The following NRCAM variants were observed in gnomAD, a reference collection of about 807,000 sequenced individuals.
NRCAM encodes neuronal cell adhesion molecule.
Under a neutral mutation model 156.5 loss-of-function variants are expected in NRCAM, and 83 were observed. That is an observed-to-expected ratio of 0.53 (90% CI 0.44 to 0.64). The LOEUF (loss-of-function observed/expected upper bound fraction) is 0.64, where lower values mean the gene tolerates loss of function less well. Among genes scored for constraint, NRCAM ranks in the 30% least tolerant of loss-of-function variants. The pLI is 0.00. For synonymous variants in NRCAM, 538 were observed against 563.9 expected, an observed-to-expected ratio of 0.95 and a Z score of 0.65; for missense variants, 1,417 against 1,597.3, an observed-to-expected ratio of 0.89 and a Z score of 1.92.
chr7:108,258,729 C>T (rs1160955874), intron 3 of NRCAM, among the ~76,000 whole-genome samples: 1 of 152,150 alleles, frequency 6.6e-6, no homozygotes, highest in East Asian at 1.9e-4. Context: ...ATGAGCATAG[C>T]GATGTGGCAG....
intron 13 of NRCAM, among the ~76,000 whole-genome samples, chr7:108,201,402 T>C (rs1011079150): frequency 6.6e-6 from 1 of 152,106 alleles, no homozygotes; most frequent in Non-Finnish European, 1.5e-5. Context: ...GCAGACTACA[T>C]AAGAGTTCCT....
At chr7:108,157,507 G>C (rs186136050) in intron 32 of NRCAM, among the ~76,000 whole-genome samples, 38 of 152,244 alleles carry the variant, frequency 2.5e-4, no homozygotes, top group Non-Finnish European at 2.9e-4. Context: ...CAATGGCTGA[G>C]TTGAAAGTAA....
Position 108,367,992 on chromosome 7 carries a change from A to G in NRCAM, c.-174+31444T>C, listed in dbSNP as rs2099602319. Among the ~76,000 whole-genome samples the G allele has an allele frequency of 2.0e-5, 3 of 152,172 alleles. No homozygotes were observed. In the South Asian group the frequency reaches 6.2e-4, roughly 31 times the overall value. Reference sequence around the variant, plus strand: ...TTAGGGAAGTAGTTCGAATCGTCTCATTCCTCAATATCACCATTATGCCTT... The same window carrying G: ...TTAGGGAAGTAGTTCGAATCGTCTCGTTCCTCAATATCACCATTATGCCTT... On this transcript the variant is annotated intron_variant, in intron 2 of 32. Coordinates refer to ENST00000379028, the MANE Select transcript of NRCAM (RefSeq NM_001037132.4).
At chr7:108,382,096 A>G (rs2154359648) in intron 2 of NRCAM, among the ~76,000 whole-genome samples, 1 of 152,318 alleles carries the variant, frequency 6.6e-6, no homozygotes, top group Admixed American at 6.5e-5. Flanking sequence ...TCAGGAAAGC[A>G]TCTGAGGCTG....
intron 1 of NRCAM, among the ~76,000 whole-genome samples, chr7:108,455,425 G>A (rs937544286): frequency 2.0e-5 from 3 of 152,172 alleles, no homozygotes; most frequent in Non-Finnish European, 2.9e-5. Flanking sequence ...CCACCGCTAA[G>A]AGCCTGGGCT....
chr7:108,260,837 A>T (rs1300197327), intron 3 of NRCAM, among the ~76,000 whole-genome samples: 1 of 152,108 alleles, frequency 6.6e-6, no homozygotes, highest in East Asian at 1.9e-4. Context: ...TAAATTATCT[A>T]CCATCATGGG....
intron 2 of NRCAM, among the ~76,000 whole-genome samples, chr7:108,339,736 C>T (rs952206160): frequency 3.3e-5 from 5 of 151,928 alleles, no homozygotes; most frequent in African/African-American, 1.2e-4. Context: ...CCATAGAGGA[C>T]GCTCTACGAC....
chr7:108,365,194 G>A (rs985192068), intron 2 of NRCAM, among the ~76,000 whole-genome samples: 6 of 151,672 alleles, frequency 4.0e-5, no homozygotes, highest in Admixed American at 6.6e-5. Flanking sequence ...CCTTATAGTC[G>A]TGCCAAGAGG....
intron 2 of NRCAM, among the ~76,000 whole-genome samples, chr7:108,383,178 C>A (rs1272695011): frequency 6.8e-6 from 1 of 147,120 alleles, no homozygotes; most frequent in Non-Finnish European, 1.5e-5. Context: ...CCTAGGCAAA[C>A]AGCCTTCTAA....
In NRCAM at chr7:108,149,657, T is replaced by G. The variant is rs1474088839; in HGVS notation, c.*253A>C. ...GAAATAACAGGATCTGTTGGTGATG[T>G]TGCATTATTTTTTATCAGTTCTGAG... On this transcript the variant is annotated 3_prime_UTR_variant, in exon 33 of 33. Coordinates refer to ENST00000379028, the MANE Select transcript of NRCAM (RefSeq NM_001037132.4). 4.1e-6 allele frequency: 2 copies of G among 492,976 alleles called. No homozygotes were observed. The highest frequency in any genetic ancestry group is 3.8e-5 in the Admixed American group (1 of 26,358). 30.5% of individuals were successfully genotyped at this position (492,976 alleles called of 1,614,324 possible). A position where few individuals can be genotyped will look rare whatever the true frequency, so the allele number is the denominator to read the frequency against.
At chr7:108,439,852 A>AAAGGAC (rs1563817594) in intron 1 of NRCAM, among the ~76,000 whole-genome samples, 1 of 151,642 alleles carries the variant, frequency 6.6e-6, no homozygotes, top group African/African-American at 2.4e-5. Flanking sequence ...AAAAAAAAAA[A>AAAGGAC]AAGGACAGGC....
intron 11 of NRCAM, among the ~76,000 whole-genome samples, chr7:108,215,397 A>T (rs2087631958): frequency 6.6e-6 from 1 of 151,098 alleles, no homozygotes. Context: ...TATTTTTTTT[A>T]GTACAGATGG....
rs1593417351 is a variant in NRCAM at position 108,324,905 on chromosome 7, T to A, written c.-173-12174A>T. ...TTTTTTTTTTTTTTTTTTTTTTTTT[T>A]AGCTTTAGCTATGGCTGGTGTAATC... On this transcript the variant is annotated intron_variant, in intron 2 of 32. Coordinates refer to ENST00000379028, the MANE Select transcript of NRCAM (RefSeq NM_001037132.4). 7.3e-5 allele frequency among the ~76,000 whole-genome samples: 5 copies of A among 68,634 alleles called. No individual in the cohort carries two copies. In the South Asian group the frequency reaches 2.4e-3, roughly 33 times the overall value. 45.0% of individuals were successfully genotyped at this position (68,634 alleles called of 152,430 possible).
At chr7:108,174,006 C>T (rs2059527583) in intron 28 of NRCAM, among the ~76,000 whole-genome samples, 1 of 152,074 alleles carries the variant, frequency 6.6e-6, no homozygotes, top group African/African-American at 2.4e-5. Context: ...AGTGACATGT[C>T]CACTGCATAG....
chr7:108,164,134 C>T (rs1441792977), intron 30 of NRCAM, among the ~76,000 whole-genome samples: 1 of 105,482 alleles, frequency 9.5e-6, no homozygotes, highest in Admixed American at 1.0e-4. Context: ...GAGGTCATAC[C>T]GGGTGGGGTG....
intron 3 of NRCAM, among the ~76,000 whole-genome samples, chr7:108,293,223 A>G (rs942612006): frequency 6.6e-6 from 1 of 152,166 alleles, no homozygotes; most frequent in Non-Finnish European, 1.5e-5. Context: ...CCTGACCCCA[A>G]CTGAGGACTA....
chr7:108,247,640 T>G (rs1168040207), intron 3 of NRCAM, among the ~76,000 whole-genome samples: 1 of 143,460 alleles, frequency 7.0e-6, no homozygotes, highest in Non-Finnish European at 1.5e-5. Flanking sequence ...AAATTATGCC[T>G]AATTTATTGT....
chr7:108,260,735 C>A (rs1267403109), intron 3 of NRCAM, among the ~76,000 whole-genome samples: 1 of 152,012 alleles, frequency 6.6e-6, no homozygotes, highest in African/African-American at 2.4e-5. Context: ...TTGGCTGGGG[C>A]CCACACAGAG....
intron 32 of NRCAM, among the ~76,000 whole-genome samples, chr7:108,157,318 A>G (rs2046107574): frequency 6.6e-6 from 1 of 152,162 alleles, no homozygotes; most frequent in African/African-American, 2.4e-5. Context: ...CTTTACCAAC[A>G]TAGCACATAT....
Sources: allele counts gnomAD v4.1 joint callset (sites outside exome capture counted in the v4.1 genomes callset), GRCh38; gene constraint gnomAD v4.1.1; transcripts MANE v1.5; gene names NCBI Gene and HGNC (gene_info 2026-07-23, HGNC 2026-07-21).